The following ADAMTSL1 variants were observed in gnomAD, a reference collection of about 807,000 sequenced individuals.
ADAMTSL1 encodes the protein ADAMTS like 1, also known as ADAMTS-like protein 1.
ADAMTSL1 carries 126 observed loss-of-function variants against 201.8 expected under a neutral mutation model. The ratio of observed to expected loss-of-function variants is 0.62; its 90% CI spans 0.54 to 0.72. The LOEUF (loss-of-function observed/expected upper bound fraction) is 0.72. Ranked by LOEUF, ADAMTSL1 falls within the 30% of genes least tolerant of loss-of-function variation. The probability of loss-of-function intolerance (pLI) is 0.00; values close to 1 mark genes in which losing one functional copy is unlikely to be tolerated. For missense variants in ADAMTSL1, 2,679 were observed against 2,277.8 expected, an observed-to-expected ratio of 1.18 and a Z score of -3.59; for synonymous variants, 1,121 against 903.4, an observed-to-expected ratio of 1.24 and a Z score of -4.32.
intron 2 of ADAMTSL1, among the ~76,000 whole-genome samples, chr9:18,263,414 G>A (rs1004677856): frequency 3.3e-5 from 5 of 151,838 alleles, no homozygotes; most frequent in Non-Finnish European, 7.4e-5. Flanking sequence ...GGCTCCTGTT[G>A]CTTCCTCCGT....
chr9:18,425,392 A>T (rs1747265118), intron 2 of ADAMTSL1, among the ~76,000 whole-genome samples: 1 of 99,938 alleles, frequency 1.0e-5, no homozygotes, highest in Non-Finnish European at 2.5e-5. Flanking sequence ...TACTCAATAG[A>T]GTTCTGTTAG....
At chr9:18,261,897 A>G (rs563464279) in intron 2 of ADAMTSL1, among the ~76,000 whole-genome samples, 1 of 152,222 alleles carries the variant, frequency 6.6e-6, no homozygotes, top group Non-Finnish European at 1.5e-5. Flanking sequence ...AAATTGGTAA[A>G]TATGAAGGCT....
chr9:18,193,257 G>A (rs1270900365), intron 2 of ADAMTSL1, among the ~76,000 whole-genome samples: 2 of 152,140 alleles, frequency 1.3e-5, no homozygotes, highest in South Asian at 2.1e-4. Flanking sequence ...TTGAAAAGAT[G>A]ACCCTGGGAG....
At chr9:18,414,974 C>T (rs1194548896) in intron 2 of ADAMTSL1, among the ~76,000 whole-genome samples, 1 of 152,152 alleles carries the variant, frequency 6.6e-6, no homozygotes, top group Non-Finnish European at 1.5e-5. Flanking sequence ...GAAAGTCTTG[C>T]CTCAATCATG....
chr9:18,383,217 G>C (rs1381429155), intron 2 of ADAMTSL1, among the ~76,000 whole-genome samples: 1 of 152,074 alleles, frequency 6.6e-6, no homozygotes, highest in Admixed American at 6.6e-5. Flanking sequence ...TACAAATGTC[G>C]CAAAGTCTTC....
chr9:18,742,661 C>G (rs1431811394), intron 15 of ADAMTSL1, among the ~76,000 whole-genome samples: 1 of 152,076 alleles, frequency 6.6e-6, no homozygotes, highest in South Asian at 2.1e-4. Flanking sequence ...AGCAAATTCA[C>G]AGATGTGAAA....
At position 18,858,059 on chromosome 9, in the gene ADAMTSL1, A is replaced by C. The variant is rs12056958; in HGVS notation, c.4249+28082A>C. 2.7e-4 allele frequency among the ~76,000 whole-genome samples: 41 copies of C among 152,314 alleles called. 1 individual carries two copies. In the East Asian group the frequency reaches 6.9e-3, roughly 26 times the overall value. On this transcript the variant is annotated intron_variant, in intron 23 of 28. Coordinates refer to ENST00000380548, the MANE Select transcript of ADAMTSL1 (RefSeq NM_001040272.6). Reference sequence around the variant, plus strand: ...TCTCAGTACCCAGAATTTAAAAAAAAAATGCATATATCTGTGCATGTATAG... The same window carrying C: ...TCTCAGTACCCAGAATTTAAAAAAACAATGCATATATCTGTGCATGTATAG...
intron 19 of ADAMTSL1, among the ~76,000 whole-genome samples, chr9:18,794,138 C>A (rs900027263): frequency 6.6e-6 from 1 of 151,900 alleles, no homozygotes; most frequent in Non-Finnish European, 1.5e-5. Context: ...ACAGAGAGTC[C>A]CCTGTAGTAG....
chr9:18,899,773 T>A (rs1563902891), intron 26 of ADAMTSL1, among the ~76,000 whole-genome samples: 1 of 152,140 alleles, frequency 6.6e-6, no homozygotes. Context: ...TCCACACACC[T>A]TATACAAAAA....
rs185550778 is a variant in ADAMTSL1 at position 18,271,576 on chromosome 9, T to G, written c.207+107595T>G. On this transcript the variant is annotated intron_variant, in intron 2 of 29. Coordinates refer to the ADAMTSL1 transcript ENST00000680146. The stretch of plus-strand genomic sequence containing the variant: ...ACATTTTCTTAATCCAGTCTAACAT[T>G]GTTGGACATTTGAGTTGGTTCCAAG... 2.3e-3 allele frequency among the ~76,000 whole-genome samples: 349 copies of G among 152,320 alleles called. 3 individuals are homozygous for G. Among genetic ancestry groups the G allele is most frequent in the African/African-American group, 8.2e-3 (340 of 41,562 alleles).
At chr9:18,902,380 A>T (rs188846876) in intron 26 of ADAMTSL1, among the ~76,000 whole-genome samples, 4 of 152,372 alleles carry the variant, frequency 2.6e-5, no homozygotes, top group Admixed American at 6.5e-5. Context: ...TTCTTAATAC[A>T]GTTCATAAGA....
chr9:18,144,777 A>AG (rs1226349670), intron 1 of ADAMTSL1, among the ~76,000 whole-genome samples: 1 of 152,160 alleles, frequency 6.6e-6, no homozygotes, highest in Non-Finnish European at 1.5e-5. Flanking sequence ...CCCAGCTCAG[A>AG]GGGGTCCATG....
At chr9:18,624,302 C>T (rs11790127) in intron 5 of ADAMTSL1, among the ~76,000 whole-genome samples, 11,409 of 152,160 alleles carry the variant, frequency 0.075, 556 homozygotes, top group Non-Finnish European at 0.11. Flanking sequence ...TAGCTTCTTC[C>T]ATAAGATGAA....
upstream of ADAMTSL1, chr9:18,473,962 G>A (rs190192646): frequency 2.6e-4 from 110 of 421,240 alleles, no homozygotes; most frequent in African/African-American, 2.1e-3. Context: ...TGCTCGCACC[G>A]TTACACTTTC....
chr9:18,649,459 G>A (rs1201277005), intron 7 of ADAMTSL1, among the ~76,000 whole-genome samples: 2 of 151,746 alleles, frequency 1.3e-5, no homozygotes, highest in East Asian at 1.9e-4. Flanking sequence ...ATGAGGAGAG[G>A]TGCTCTGATT....
In ADAMTSL1 at chr9:18,747,250, G is replaced by C. The variant is rs1819201189; in HGVS notation, c.2007-6048G>C. On this transcript the variant is annotated intron_variant, in intron 15 of 28. Transcript: ENST00000380548. Reference sequence around the variant, plus strand: ...TGGACAGGTTACCTAACCTCTCAGAGTCTCTGTTAGCTGATCCTGTAAAAT... The same window carrying C: ...TGGACAGGTTACCTAACCTCTCAGACTCTCTGTTAGCTGATCCTGTAAAAT... 2.6e-5 allele frequency among the ~76,000 whole-genome samples: 4 copies of C among 152,148 alleles called. No homozygotes were observed. The South Asian group carries it at 8.3e-4, about 32-fold the overall frequency.
intron 2 of ADAMTSL1, among the ~76,000 whole-genome samples, chr9:18,397,342 A>G (rs530623476): frequency 6.6e-6 from 1 of 152,270 alleles, no homozygotes; most frequent in East Asian, 1.9e-4. Flanking sequence ...ACATTCTCTG[A>G]GCTTTAAAAG....
chr9:18,839,250 T>C (rs1825553361), intron 23 of ADAMTSL1, among the ~76,000 whole-genome samples: 1 of 145,668 alleles, frequency 6.9e-6, no homozygotes, highest in Admixed American at 7.1e-5. Context: ...GTTCTCATTG[T>C]TCAATTCCCA....
chr9:17,935,352 G>T (rs1025290297), intron 1 of ADAMTSL1, among the ~76,000 whole-genome samples: 10 of 151,974 alleles, frequency 6.6e-5, no homozygotes, highest in African/African-American at 2.4e-4. Context: ...CCTACTCCTT[G>T]GTGTAACTTA....
Sources: gnomAD v4.1 joint callset for allele counts (sites outside exome capture counted in the v4.1 genomes callset) on GRCh38, gnomAD v4.1.1 for gene constraint, MANE v1.5 for transcripts, NCBI Gene and HGNC (gene_info 2026-07-23, HGNC 2026-07-21) for gene names.